Variants in SHOC2 observed in about 807,000 individuals in gnomAD.
SHOC2 encodes the protein SHOC2 leucine rich repeat scaffold protein.
Under a neutral mutation model 50.2 loss-of-function variants are expected in SHOC2, and 4 were observed. The ratio of observed to expected loss-of-function variants is 0.08; its 90% confidence interval spans 0.04 to 0.18. The LOEUF (loss-of-function observed/expected upper bound fraction) is 0.18, where lower values mean the gene tolerates loss of function less well. SHOC2 is among the 10% of genes least tolerant of loss of function. The pLI, the probability that SHOC2 is intolerant of heterozygous loss-of-function variation, is 1.00. For synonymous variants in SHOC2, 218 were observed against 244.5 expected (o/e 0.89, Z 1.01); for missense variants, 388 against 669.6 (o/e 0.58, Z 4.64).
intron 1 of SHOC2, among the ~76,000 whole-genome samples, chr10:110,958,455 G>A (rs563452481): frequency 6.6e-6 from 1 of 152,122 alleles, no homozygotes; most frequent in African/African-American, 2.4e-5. Context: ...CTCCTGATCC[G>A]TCTGCCTCAG....
chr10:110,976,399 C>A (rs1191950623), intron 2 of SHOC2, among the ~76,000 whole-genome samples: 1 of 151,738 alleles, frequency 6.6e-6, no homozygotes. Context: ...GCAGCCTCGA[C>A]CTCCTGGGCT....
intron 2 of SHOC2, among the ~76,000 whole-genome samples, chr10:110,981,874 T>A (rs146412453): frequency 0.36 from 1,818 of 5,088 alleles, 25 homozygotes; most frequent in Non-Finnish European, 0.43. Flanking sequence ...TTATTTATTT[T>A]TTTAAGTTTT....
chr10:110,921,601 C>A lies in SHOC2; in HGVS notation c.-235+1944C>A, dbSNP rs540854474. On this transcript the variant is annotated intron_variant, in intron 1 of 8. Transcript: ENST00000369452. ...TTATGGGTTATATGAGATATTGATA[C>A]AGGCATACAATGCATAATAGTCACA... Among the ~76,000 whole-genome samples the A allele has an allele frequency of 8.5e-5, 13 of 152,198 alleles. No homozygotes were observed. In the South Asian group the frequency reaches 2.7e-3, roughly 32 times the overall value.
At chr10:110,939,461 C>A (rs1847094870) in intron 1 of SHOC2, among the ~76,000 whole-genome samples, 1 of 152,152 alleles carries the variant, frequency 6.6e-6, no homozygotes, top group African/African-American at 2.4e-5. Context: ...CTCAACCAAT[C>A]CCCCTACCTT....
chr10:111,007,709 A>T, intron 6 of SHOC2, 56 bp downstream of exon 6: 2 of 1,579,978 alleles, frequency 1.3e-6, no homozygotes, highest in Admixed American at 1.7e-5. Flanking sequence ...TATCTCATTT[A>T]AAAATTTCAA....
chr10:111,007,723 T>C (rs919331563), intron 6 of SHOC2, 70 bp downstream of exon 6: 3 of 1,475,280 alleles, frequency 2.0e-6, no homozygotes, highest in Non-Finnish European at 2.8e-6. Flanking sequence ...ATTTCAAATT[T>C]AAATAAGCAA....
chr10:110,978,854 T>TG (rs1282621331), intron 2 of SHOC2, among the ~76,000 whole-genome samples: 4 of 152,384 alleles, frequency 2.6e-5, no homozygotes, highest in African/African-American at 7.2e-5. Context: ...GCCTTCGACT[T>TG]GAGATTTACT....
chr10:111,011,892 T>C lies in SHOC2; in HGVS notation c.*74T>C. 3.4e-6 allele frequency: 4 copies of C among 1,171,464 alleles called. No homozygotes were observed. The highest frequency in any genetic ancestry group is 5.1e-6 in the Non-Finnish European group (4 of 784,788). The allele number at this position is 1,171,464 out of a possible 1,614,324, so 72.6% of individuals were successfully genotyped here. ...TGTTTCTTATCTATATCTGTATCTA[T>C]TTATGTAGATATTGGTATATGGCAG... On this transcript the variant is annotated 3_prime_UTR_variant, in exon 9 of 9. Coordinates refer to ENST00000369452, the MANE Select transcript of SHOC2 (RefSeq NM_007373.4).
intron 1 of SHOC2, among the ~76,000 whole-genome samples, chr10:110,961,715 A>G (rs1224490794): frequency 6.6e-6 from 1 of 152,206 alleles, no homozygotes; most frequent in East Asian, 1.9e-4. Flanking sequence ...TATCAGTCTG[A>G]ATTTCAGATA....
At chr10:111,007,390 A>AT in intron 5 of SHOC2, 141 bp from the exon 6 acceptor site, 48 of 960,924 alleles carry the variant, frequency 5.0e-5, no homozygotes, top group South Asian at 9.2e-5. Context: ...TCTGTTGCTG[A>AT]TTTTTTTTCT....
At chr10:111,004,039 T>C (rs1265714629) in intron 4 of SHOC2, among the ~76,000 whole-genome samples, 1 of 152,182 alleles carries the variant, frequency 6.6e-6, no homozygotes, top group Non-Finnish European at 1.5e-5. Context: ...ATATATGCCC[T>C]CAGAAATTTT....
At position 110,923,279 on chromosome 10, in the gene SHOC2, TTA is replaced by T. The variant is rs561640345; in HGVS notation, c.-235+3625_-235+3626del. ...CTATGGTATGCTTGAACTTCATATA[TTA>T]TAGAGTGTTCTTAAAAGTGTTTGTT... On this transcript the variant is annotated intron_variant, in intron 1 of 8. Transcript: ENST00000369452. Among the ~76,000 whole-genome samples the T allele has an allele frequency of 5.2e-3, 786 of 152,218 alleles. 8 individuals carry two copies. The highest frequency in any genetic ancestry group is 0.018 in the African/African-American group (753 of 41,574).
intron 2 of SHOC2, among the ~76,000 whole-genome samples, chr10:110,966,373 A>G (rs554200255): frequency 2.6e-5 from 4 of 152,224 alleles, no homozygotes; most frequent in Middle Eastern, 3.4e-3. Flanking sequence ...TGGTTGTTGA[A>G]TGACTTGTTT....
intron 1 of SHOC2, among the ~76,000 whole-genome samples, chr10:110,955,004 G>A (rs934308224): frequency 1.3e-5 from 2 of 152,122 alleles, no homozygotes; most frequent in East Asian, 1.9e-4. Context: ...ATTTAATGGG[G>A]CAACTCTAAG....
At chr10:110,992,265 G>A (rs1848198625) in intron 3 of SHOC2, among the ~76,000 whole-genome samples, 1 of 152,158 alleles carries the variant, frequency 6.6e-6, no homozygotes, top group Non-Finnish European at 1.5e-5. Flanking sequence ...TTACCAAGTT[G>A]CAGTTAAGTA....
chr10:110,959,564 G>A lies in SHOC2; in HGVS notation c.-234-4561G>A, dbSNP rs569209611. Among the ~76,000 whole-genome samples the A allele has an allele frequency of 7.2e-5, 11 of 152,322 alleles. No individual in the cohort carries two copies. The South Asian group carries it at 1.4e-3, about 20-fold the overall frequency. On this transcript the variant is annotated intron_variant, in intron 1 of 8. Transcript: ENST00000369452. ...ACCTTTATCATGTTTAGCATGGACT[G>A]TTGCAGTGGCTTCCAAATTCGGCTC...
At chr10:110,951,547 G>T (rs1328608758) in intron 1 of SHOC2, 1 of 152,164 alleles carries the variant, frequency 6.6e-6, no homozygotes, top group Non-Finnish European at 1.5e-5. Context: ...TTCTTGGTAC[G>T]TATCTAGAGG....
At chr10:110,934,584 G>T (rs1571240) in intron 1 of SHOC2, among the ~76,000 whole-genome samples, 10 of 152,280 alleles carry the variant, frequency 6.6e-5, no homozygotes, top group South Asian at 4.1e-4. Flanking sequence ...TGCTATTTAT[G>T]TGCACATTGC....
intron 3 of SHOC2, among the ~76,000 whole-genome samples, chr10:110,992,332 G>A (rs1372621700): frequency 6.6e-6 from 1 of 152,022 alleles, no homozygotes; most frequent in African/African-American, 2.4e-5. Flanking sequence ...AGTCTGCCTT[G>A]TTGAATAAAA....
Sources: allele counts gnomAD v4.1 joint callset (sites outside exome capture counted in the v4.1 genomes callset), GRCh38; gene constraint gnomAD v4.1.1; transcripts MANE v1.5; gene names NCBI Gene and HGNC (gene_info 2026-07-23, HGNC 2026-07-21).